The following TRPM3 variants were observed in gnomAD, a reference collection of about 807,000 sequenced individuals.
TRPM3 encodes the protein long transient receptor potential channel 3.
A neutral mutation model predicts 181.2 loss-of-function variants in TRPM3; 77 were observed. The observed-to-expected ratio is 0.42, with a 90% CI of 0.35 to 0.51. TRPM3 has a LOEUF of 0.51. Ranked by LOEUF, TRPM3 falls within the 20% of genes least tolerant of loss-of-function variation. The pLI is 0.01. For synonymous variants in TRPM3, 745 were observed against 796.4 expected, an observed-to-expected ratio of 0.94 and a Z score of 1.09; for missense variants, 1,759 against 2,196.7, an observed-to-expected ratio of 0.80 and a Z score of 3.98.
chr9:71,324,616 G>C (rs905869441), intron 1 of TRPM3, among the ~76,000 whole-genome samples: 1 of 151,604 alleles, frequency 6.6e-6, no homozygotes, highest in East Asian at 1.9e-4. Flanking sequence ...CCCAATACTG[G>C]GTATCTATTC....
At position 70,864,440 on chromosome 9, in the gene TRPM3, G is replaced by T; in HGVS notation, c.249C>A (p.Asp83Glu). The stretch of plus-strand genomic sequence containing the variant: ...ATAGACAGCAAGATTACCTATGGGG[G>T]TCTTTGGTGCTGGGTATGATGTGGA... Reference protein sequence around the residue: ...ECVHIIPSTKDPHRCCCGRLI... With the variant: ...ECVHIIPSTKEPHRCCCGRLI... The change falls in exon 2 of 26, where the codon GAC (aspartate) becomes GAA (glutamate). Residue 83 changes from aspartate (D) to glutamate (E), a missense_variant. Asp to Glu is a conservative substitution (Grantham distance 45, BLOSUM62 2). Around this residue, in one of 8 missense-constraint regions of TRPM3, gnomAD observed 737 missense variants for 957.4 expected, o/e 0.77. Coordinates refer to ENST00000677713, the MANE Select transcript of TRPM3 (RefSeq NM_001366145.2). The T allele has an allele frequency of 6.8e-7, 1 of 1,476,042 alleles. No homozygotes were observed. The allele number at this position is 1,476,042 out of a possible 1,614,324, so 91.4% of individuals were successfully genotyped here.
At chr9:70,750,211 G>A (rs567953089) in intron 8 of TRPM3, among the ~76,000 whole-genome samples, 1 of 152,304 alleles carries the variant, frequency 6.6e-6, no homozygotes, top group South Asian at 2.1e-4. Context: ...ATGTGATCAT[G>A]GAAGTGGAAA....
At chr9:70,597,775 A>G (rs1401642665) in intron 21 of TRPM3, among the ~76,000 whole-genome samples, 2 of 152,252 alleles carry the variant, frequency 1.3e-5, no homozygotes, top group East Asian at 3.8e-4. Context: ...ATCATTTTCC[A>G]GTAGTGTAAC....
At chr9:71,187,067 T>C (rs1026308616) in intron 1 of TRPM3, among the ~76,000 whole-genome samples, 3 of 152,050 alleles carry the variant, frequency 2.0e-5, no homozygotes, top group African/African-American at 7.2e-5. Context: ...ACTAGTATGT[T>C]TGATACCAAC....
At chr9:71,022,219 A>G (rs899621876) in intron 1 of TRPM3, among the ~76,000 whole-genome samples, 3 of 152,070 alleles carry the variant, frequency 2.0e-5, no homozygotes, top group African/African-American at 7.2e-5. Flanking sequence ...GAACAGAATA[A>G]AGAACCCACA....
intron 1 of TRPM3, among the ~76,000 whole-genome samples, chr9:71,280,432 G>A (rs957822023): frequency 2.0e-5 from 3 of 151,948 alleles, no homozygotes; most frequent in Non-Finnish European, 4.4e-5. Flanking sequence ...AGTAAAGCAC[G>A]CCTACAAATC....
At chr9:70,777,959 A>G (rs1588192805) in intron 7 of TRPM3, among the ~76,000 whole-genome samples, 1 of 150,588 alleles carries the variant, frequency 6.6e-6, no homozygotes, top group South Asian at 2.1e-4. Context: ...TATTGGATTA[A>G]TTTTATTAGT....
At chr9:71,219,563 T>C (rs1218239673) in intron 1 of TRPM3, among the ~76,000 whole-genome samples, 1 of 152,202 alleles carries the variant, frequency 6.6e-6, no homozygotes, top group East Asian at 1.9e-4. Context: ...TAACTTGGGT[T>C]AACTAAAAAT....
chr9:71,228,812 T>C (rs1460687449), intron 1 of TRPM3, among the ~76,000 whole-genome samples: 1 of 152,062 alleles, frequency 6.6e-6, no homozygotes, highest in Non-Finnish European at 1.5e-5. Context: ...TGAAAGAAAT[T>C]GAAGAAGATA....
intron 1 of TRPM3, chr9:70,869,092 A>G: frequency 1.0e-6 from 1 of 979,582 alleles, no homozygotes; most frequent in Non-Finnish European, 1.2e-6. Context: ...TGCTCTTATG[A>G]CCGCCCACTG....
chr9:70,625,456 A>T lies in TRPM3; in HGVS notation c.1668+26T>A, dbSNP rs2064406972. ...AATGAAAAAAGAAACATATGAATGTATTATTATGCTGGTTAATTAATTCAC... is the reference window on the plus strand; with the variant it reads ...AATGAAAAAAGAAACATATGAATGTTTTATTATGCTGGTTAATTAATTCAC... On this transcript the variant is annotated intron_variant, in intron 13 of 25. Transcript: ENST00000677713. This position sits in a 1 kb window ranked among gnomAD's most constrained non-coding sequence, Gnocchi z 4.8. 4.4e-6 allele frequency: 7 copies of T among 1,603,884 alleles called. No individual in the cohort carries two copies. The highest frequency in any genetic ancestry group is 1.7e-5 in the Admixed American group (1 of 58,210).
Position 70,754,868 on chromosome 9 carries a change from T to C in TRPM3, c.1272+6733A>G, listed in dbSNP as rs533755331. Among the ~76,000 whole-genome samples the C allele has an allele frequency of 9.5e-4, 145 of 152,128 alleles. 1 individual carries two copies. Among genetic ancestry groups the C allele is most frequent in the African/African-American group, 3.4e-3 (141 of 41,490 alleles). ...AGCCTAATGAGTAGAAAACACGGGG[T>C]CTGCAGCAAGACAGTCCTAGCTTGG... On this transcript the variant is annotated intron_variant, in intron 8 of 25. Transcript: ENST00000677713.
intron 1 of TRPM3, among the ~76,000 whole-genome samples, chr9:71,161,855 C>T (rs921030134): frequency 2.6e-5 from 4 of 152,044 alleles, no homozygotes; most frequent in Non-Finnish European, 5.9e-5. Flanking sequence ...TTACTATATT[C>T]ATATTACTGA....
rs2096635596 is a variant in TRPM3, at chr9:70,919,707, C to G, written c.178-55196G>C. Among the ~76,000 whole-genome samples the G allele has an allele frequency of 2.0e-5, 3 of 151,164 alleles. No homozygotes were observed. In the South Asian group the frequency reaches 6.3e-4, roughly 32 times the overall value. ...GCTGAGGCAGGAGAATCTCTTGATC[C>G]TGGGAGGTGGAGATTGCAGTGAGCC... On this transcript the variant is annotated intron_variant, in intron 1 of 25. Transcript: ENST00000677713.
chr9:71,261,686 G>C (rs2083065131), intron 1 of TRPM3, among the ~76,000 whole-genome samples: 1 of 152,156 alleles, frequency 6.6e-6, no homozygotes, highest in South Asian at 2.1e-4. Context: ...AATGGAGTTT[G>C]CATGGTCATC....
intron 1 of TRPM3, among the ~76,000 whole-genome samples, chr9:71,406,187 GT>G (rs766135055): frequency 6.6e-6 from 1 of 152,166 alleles, no homozygotes; most frequent in Non-Finnish European, 1.5e-5. Context: ...TGCTTACCAT[GT>G]TATTACTGGA....
At chr9:71,153,369 G>A (rs551274079) in intron 1 of TRPM3, among the ~76,000 whole-genome samples, 3 of 149,070 alleles carry the variant, frequency 2.0e-5, no homozygotes, top group Non-Finnish European at 4.4e-5. Flanking sequence ...TCAGCCCACT[G>A]CAACCTAGCC....
intron 1 of TRPM3, among the ~76,000 whole-genome samples, chr9:71,350,057 A>T (rs1372744117): frequency 1.3e-5 from 2 of 151,234 alleles, no homozygotes; most frequent in East Asian, 3.9e-4. Context: ...GCTCTGACTT[A>T]AGGGTACTAC....
intron 1 of TRPM3, among the ~76,000 whole-genome samples, chr9:71,401,712 G>T (rs1489570012): frequency 1.3e-5 from 2 of 152,190 alleles, no homozygotes; most frequent in African/African-American, 4.8e-5. Flanking sequence ...CTAAGCTGAG[G>T]TATTAAAGAA....
Sources: gnomAD v4.1 joint callset for allele counts (sites outside exome capture counted in the v4.1 genomes callset) on GRCh38, gnomAD v4.1.1 for gene constraint, gnomAD v4.1.1 regional missense constraint, Gnocchi (gnomAD v3.1) non-coding constraint, MANE v1.5 for transcripts, NCBI Gene and HGNC (gene_info 2026-07-23, HGNC 2026-07-21) for gene names.